FNDC3A: variants seen among roughly 807,000 people sequenced by gnomAD.
The protein encoded by FNDC3A is fibronectin type III domain containing 3A, also known as fibronectin type-III domain-containing protein 3A.
Under a neutral mutation model 148.9 loss-of-function variants are expected in FNDC3A, and 32 were observed. The observed-to-expected ratio is 0.21, with a 90% CI of 0.16 to 0.29. FNDC3A has a LOEUF of 0.29. Ranked by LOEUF, FNDC3A falls within the 10% of genes least tolerant of loss-of-function variation. The probability of loss-of-function intolerance (pLI) is 1.00; values close to 1 mark genes in which losing one functional copy is unlikely to be tolerated. For synonymous variants in FNDC3A, 472 were observed against 473.6 expected, an observed-to-expected ratio of 1.00 and a Z score of 0.04; for missense variants, 1,191 against 1,452.8, an observed-to-expected ratio of 0.82 and a Z score of 2.93.
At chr13:49,129,654 A>C (rs1277107244) in intron 4 of FNDC3A, among the ~76,000 whole-genome samples, 1 of 152,166 alleles carries the variant, frequency 6.6e-6, no homozygotes, top group Non-Finnish European at 1.5e-5. Flanking sequence ...TAAATTCAGA[A>C]CTGAGTTAAA....
chr13:49,178,615 A>G lies in FNDC3A; in HGVS notation c.1578A>G (p.Thr526=). The G allele has an allele frequency of 6.3e-7, 1 of 1,584,968 alleles. No individual in the cohort carries two copies. ...ATGATGGAGAAGATCTTGCTTACAC[A>G]GTGAAAAATCTCAGACGTAGTACTA... ...PKYDGEDLAY[T]VKNLRRSTKY... The change falls in exon 14 of 26, where the codon ACA becomes ACG. Residue 526 remains threonine, a synonymous_variant. Transcript: ENST00000492622.
At chr13:49,034,188 T>C (rs1251428250) in intron 2 of FNDC3A, among the ~76,000 whole-genome samples, 1 of 152,036 alleles carries the variant, frequency 6.6e-6, no homozygotes, top group Non-Finnish European at 1.5e-5. Flanking sequence ...TTAAGAATGA[T>C]CAGTCCAGCT....
intron 13 of FNDC3A, among the ~76,000 whole-genome samples, chr13:49,176,403 G>C (rs1331721307): frequency 6.6e-6 from 1 of 152,020 alleles, no homozygotes; most frequent in Non-Finnish European, 1.5e-5. Context: ...AACACTGCAT[G>C]TTCTCACTCA....
At chr13:49,011,895 A>G (rs1319571416) in intron 2 of FNDC3A, among the ~76,000 whole-genome samples, 1 of 152,216 alleles carries the variant, frequency 6.6e-6, no homozygotes, top group Non-Finnish European at 1.5e-5. Flanking sequence ...TTTCGCGTTG[A>G]ACATTTTATT....
At chr13:49,089,813 A>G (rs1373999338) in intron 3 of FNDC3A, among the ~76,000 whole-genome samples, 1 of 152,226 alleles carries the variant, frequency 6.6e-6, no homozygotes, top group African/African-American at 2.4e-5. Context: ...CTGAAGTACA[A>G]AACTGAACTA....
intron 1 of FNDC3A, among the ~76,000 whole-genome samples, chr13:48,997,736 T>G (rs936676388): frequency 1.3e-5 from 2 of 152,200 alleles, no homozygotes; most frequent in African/African-American, 4.8e-5. Context: ...GTCTGTTGTT[T>G]AAAGCAACCA....
chr13:49,015,082 T>A (rs981393394), intron 2 of FNDC3A, among the ~76,000 whole-genome samples: 2 of 152,120 alleles, frequency 1.3e-5, no homozygotes, highest in African/African-American at 2.4e-5. Flanking sequence ...GGCGATGCGG[T>A]CTCTTTTTAG....
At chr13:49,116,844 G>A (rs937694348) in intron 4 of FNDC3A, among the ~76,000 whole-genome samples, 1 of 151,970 alleles carries the variant, frequency 6.6e-6, no homozygotes, top group African/African-American at 2.4e-5. Flanking sequence ...AAGAGTGGTC[G>A]GAAGAGGCCT....
chr13:49,137,777 G>C (rs1983806), intron 6 of FNDC3A, among the ~76,000 whole-genome samples: 149,838 of 152,356 alleles, frequency 0.98, 73,709 homozygotes, highest in South Asian at 1. Flanking sequence ...TGTTAAGCTT[G>C]TAACTACTGC....
At chr13:49,066,671 A>G (rs1265603705) in intron 2 of FNDC3A, among the ~76,000 whole-genome samples, 1 of 151,932 alleles carries the variant, frequency 6.6e-6, no homozygotes, top group East Asian at 1.9e-4. Flanking sequence ...CAAAGCTTAT[A>G]TTCTTTTTTT....
At chr13:49,020,248 A>T (rs530200729) in intron 2 of FNDC3A, among the ~76,000 whole-genome samples, 80 of 152,076 alleles carry the variant, frequency 5.3e-4, no homozygotes, top group African/African-American at 6.3e-4. Flanking sequence ...ATATCAGATT[A>T]AAAAAACCTG....
At chr13:49,010,526 C>A (rs1344631767) in intron 2 of FNDC3A, among the ~76,000 whole-genome samples, 22 of 152,106 alleles carry the variant, frequency 1.4e-4, no homozygotes, top group Admixed American at 1.4e-3. Flanking sequence ...TGAATGGATG[C>A]CAACGGACAA....
At chr13:49,077,656 A>G (rs1878207373) in intron 3 of FNDC3A, among the ~76,000 whole-genome samples, 1 of 152,208 alleles carries the variant, frequency 6.6e-6, no homozygotes, top group African/African-American at 2.4e-5. Flanking sequence ...GAGGGAGAGC[A>G]TTAGGACAAA....
At chr13:49,039,885 T>C (rs1437731007) in intron 2 of FNDC3A, among the ~76,000 whole-genome samples, 2 of 152,174 alleles carry the variant, frequency 1.3e-5, no homozygotes, top group African/African-American at 2.4e-5. Context: ...CCGCTAATTT[T>C]GTAATTTTGG....
intron 7 of FNDC3A, among the ~76,000 whole-genome samples, chr13:49,143,322 G>A (rs953732330): frequency 3.9e-5 from 6 of 151,998 alleles, no homozygotes; most frequent in Non-Finnish European, 7.4e-5. Flanking sequence ...CTAGGAGTTC[G>A]CAACCAGCCC....
At chr13:49,005,194 T>C (rs1952198884) in intron 1 of FNDC3A, among the ~76,000 whole-genome samples, 1 of 151,824 alleles carries the variant, frequency 6.6e-6, no homozygotes, top group Non-Finnish European at 1.5e-5. Flanking sequence ...TCAATCTAAA[T>C]CAACTTGTGA....
intron 2 of FNDC3A, among the ~76,000 whole-genome samples, chr13:49,026,322 A>T (rs185502274): frequency 6.6e-6 from 1 of 152,342 alleles, no homozygotes; most frequent in African/African-American, 2.4e-5. Flanking sequence ...TAATAAAATT[A>T]TATTTCTTTT....
chr13:49,198,343 T>C lies in FNDC3A; in HGVS notation c.2775-19T>C. ...ATAAAACAATCATAACCAAACTTTT[T>C]TTCTTATGTGGCACTTAGAATACGA... On this transcript the variant is annotated intron_variant, in intron 22 of 25. Transcript: ENST00000492622. The C allele has an allele frequency of 2.5e-6, 4 of 1,613,066 alleles. No individual in the cohort carries two copies. The highest frequency in any genetic ancestry group is 1.3e-5 in the African/African-American group (1 of 74,858).
intron 3 of FNDC3A, among the ~76,000 whole-genome samples, chr13:49,088,720 CTTTTTTTCT>C (rs1878982233): frequency 6.6e-6 from 1 of 151,962 alleles, no homozygotes; most frequent in Non-Finnish European, 1.5e-5. Context: ...CCTTCTCAGT[CTTTTTTTCT>C]TTTTTTTCTT....
Sources: allele counts gnomAD v4.1 joint callset (sites outside exome capture counted in the v4.1 genomes callset), GRCh38; gene constraint gnomAD v4.1.1; transcripts MANE v1.5; gene names NCBI Gene and HGNC (gene_info 2026-07-23, HGNC 2026-07-21).